Variants in NELL1 observed in about 807,000 individuals in gnomAD.
NELL1 encodes the protein protein kinase C-binding protein NELL1.
Under a neutral mutation model 107.4 loss-of-function variants are expected in NELL1, and 76 were observed. That is an observed-to-expected ratio of 0.71 (90% CI 0.59 to 0.86). The LOEUF is 0.86. NELL1 is among the 40% of genes least tolerant of loss of function. NELL1 has a pLI of 0.00. For missense variants in NELL1, 1,024 were observed against 1,005.5 expected (o/e 1.02, Z -0.25); for synonymous variants, 353 against 341.2 (o/e 1.03, Z -0.38).
At chr11:21,553,948 ATTAGTCAT>A (rs1363174698) in intron 16 of NELL1, among the ~76,000 whole-genome samples, 1 of 151,932 alleles carries the variant, frequency 6.6e-6, no homozygotes, top group Non-Finnish European at 1.5e-5. Flanking sequence ...ATAGCTGGGT[ATTAGTCAT>A]TTAGTAGACT....
chr11:20,716,637 T>C (rs766217501), intron 2 of NELL1, among the ~76,000 whole-genome samples: 4 of 152,186 alleles, frequency 2.6e-5, no homozygotes, highest in Non-Finnish European at 4.4e-5. Flanking sequence ...AGAGAGGGCT[T>C]ATGTCTAGTG....
At chr11:21,198,488 A>G (rs1030885439) in intron 13 of NELL1, among the ~76,000 whole-genome samples, 5 of 152,226 alleles carry the variant, frequency 3.3e-5, no homozygotes, top group African/African-American at 1.2e-4. Context: ...CAGTGAAGAA[A>G]ATGATATTTG....
At chr11:20,842,947 A>G (rs930453259) in intron 3 of NELL1, among the ~76,000 whole-genome samples, 1 of 152,222 alleles carries the variant, frequency 6.6e-6, no homozygotes, top group Non-Finnish European at 1.5e-5. Flanking sequence ...AATGTTAGCT[A>G]TATTGTTTTT....
intron 14 of NELL1, among the ~76,000 whole-genome samples, chr11:21,345,616 A>T (rs1850666496): frequency 1.3e-5 from 2 of 152,200 alleles, no homozygotes; most frequent in African/African-American, 4.8e-5. Flanking sequence ...ATTATGTTTC[A>T]TGCTATTGGA....
intron 3 of NELL1, among the ~76,000 whole-genome samples, chr11:20,790,981 C>A (rs1445757018): frequency 6.6e-6 from 1 of 152,144 alleles, no homozygotes; most frequent in Non-Finnish European, 1.5e-5. Context: ...TTGATTATTG[C>A]AGTTTTGTAG....
At chr11:21,538,421 G>T (rs901616695) in intron 16 of NELL1, among the ~76,000 whole-genome samples, 1 of 152,068 alleles carries the variant, frequency 6.6e-6, no homozygotes, top group African/African-American at 2.4e-5. Context: ...TTGAAGAAAT[G>T]GCCAGTCCTA....
At chr11:21,123,901 A>G (rs779217857) in intron 13 of NELL1, among the ~76,000 whole-genome samples, 3 of 152,214 alleles carry the variant, frequency 2.0e-5, no homozygotes, top group Admixed American at 6.5e-5. Context: ...TTATGTGTCA[A>G]TGGAAAAGTC....
intron 13 of NELL1, among the ~76,000 whole-genome samples, chr11:21,203,198 T>A (rs1857309435): frequency 6.6e-6 from 1 of 151,666 alleles, no homozygotes; most frequent in Non-Finnish European, 1.5e-5. Flanking sequence ...GTCTCATTGA[T>A]CTGTCTAATA....
chr11:21,471,601 ATTTCTTACCC>A lies in NELL1; in HGVS notation c.1646-62772_1646-62763del, dbSNP rs143597224. Among the ~76,000 whole-genome samples, 2,834 of 152,168 alleles carry A rather than the reference ATTTCTTACCC, an allele frequency of 0.019. 249 individuals carry two copies. In the East Asian group the frequency reaches 0.27, roughly 15 times the overall value. ...TTGTTTACTGTGATAAGCACTTTAA[ATTTCTTACCC>A]CATTTAGTAATTATAACAATTCAGT... On this transcript the variant is annotated intron_variant, in intron 15 of 19. Coordinates refer to ENST00000357134, the MANE Select transcript of NELL1 (RefSeq NM_006157.5).
intron 12 of NELL1, among the ~76,000 whole-genome samples, chr11:21,056,178 A>G (rs1853610950): frequency 1.3e-5 from 2 of 152,196 alleles, no homozygotes; most frequent in Admixed American, 1.3e-4. Flanking sequence ...TGAATGAAGC[A>G]GGGCAGCAGT....
At position 21,575,042 on chromosome 11, in the gene NELL1, A is replaced by G; in HGVS notation, c.*20A>G. 6.3e-7 allele frequency: 1 copy of G among 1,596,344 alleles called. No homozygotes were observed. The highest frequency in any genetic ancestry group is 1.3e-5 in the African/African-American group (1 of 74,504). ...AATTGAAGTATTTACAGTGGACTCAACGCAGAAGAATGGACGAAATGACCA... is the reference window on the plus strand; with the variant it reads ...AATTGAAGTATTTACAGTGGACTCAGCGCAGAAGAATGGACGAAATGACCA... On this transcript the variant is annotated 3_prime_UTR_variant, in exon 20 of 20. Transcript: ENST00000357134.
At chr11:21,441,879 C>T (rs1466738036) in intron 15 of NELL1, among the ~76,000 whole-genome samples, 1 of 152,020 alleles carries the variant, frequency 6.6e-6, no homozygotes, top group Non-Finnish European at 1.5e-5. Context: ...TTAACAAGAG[C>T]CTGACTTCAT....
intron 1 of NELL1, among the ~76,000 whole-genome samples, chr11:20,672,849 G>T (rs539371642): frequency 4.3e-5 from 6 of 138,438 alleles, no homozygotes; most frequent in East Asian, 4.4e-4. Context: ...GGAAAGGAGA[G>T]AATTTTTTTT....
chr11:21,534,641 A>C, intron 16 of NELL1, 127 bp downstream of exon 16: 1 of 998,462 alleles, frequency 1.0e-6, no homozygotes, highest in South Asian at 1.7e-5. Flanking sequence ...ATCAGTTTTC[A>C]AATTTTCTCC....
intron 14 of NELL1, among the ~76,000 whole-genome samples, chr11:21,309,934 T>G (rs1353681157): frequency 1.3e-5 from 2 of 152,082 alleles, no homozygotes; most frequent in Non-Finnish European, 2.9e-5. Context: ...GGGACACAGC[T>G]AAACCATAAG....
intron 15 of NELL1, among the ~76,000 whole-genome samples, chr11:21,413,089 A>AAAC (rs1019837215): frequency 6.6e-6 from 1 of 152,072 alleles, no homozygotes; most frequent in Non-Finnish European, 1.5e-5. Context: ...AAACTTTATT[A>AAAC]AACAACAACA....
chr11:20,970,159 A>C (rs896047030), intron 12 of NELL1, among the ~76,000 whole-genome samples: 8 of 151,914 alleles, frequency 5.3e-5, no homozygotes, highest in Non-Finnish European at 1.2e-4. Context: ...GTGTAGAGTC[A>C]TTGTGGGCTT....
chr11:21,005,932 A>T (rs1852318236), intron 12 of NELL1, among the ~76,000 whole-genome samples: 2 of 152,092 alleles, frequency 1.3e-5, no homozygotes, highest in Non-Finnish European at 2.9e-5. Flanking sequence ...CTGAGGTTTG[A>T]ATCCCACCTG....
At chr11:20,864,583 C>T (rs1030961370) in intron 4 of NELL1, among the ~76,000 whole-genome samples, 12 of 152,178 alleles carry the variant, frequency 7.9e-5, no homozygotes, top group African/African-American at 2.7e-4. Flanking sequence ...CATAGGCCAT[C>T]GTCCCAATTG....
Sources: allele counts gnomAD v4.1 joint callset (sites outside exome capture counted in the v4.1 genomes callset), GRCh38; gene constraint gnomAD v4.1.1; transcripts MANE v1.5; gene names NCBI Gene and HGNC (gene_info 2026-07-23, HGNC 2026-07-21).